Variants in TASL observed in about 807,000 individuals in gnomAD.
TASL encodes the protein TLR adaptor interacting with endolysosomal SLC15A4.
In TASL, 6 loss-of-function variants were observed where a neutral mutation model predicts 12.9. That is an observed-to-expected ratio of 0.46 (90% CI 0.25 to 0.92). TASL has a LOEUF of 0.92. Ranked by LOEUF, TASL falls within the 40% of genes least tolerant of loss-of-function variation. The pLI is 0.17. For synonymous variants in TASL, 85 were observed against 79.3 expected (o/e 1.07, Z -0.38); for missense variants, 165 against 212.8 (o/e 0.78, Z 1.40).
At chrX:30,572,617 A>C (rs987323385) in intron 2 of TASL, among the ~76,000 whole-genome samples, 5 of 112,285 alleles carry the variant, frequency 4.5e-5, no homozygotes, top group African/African-American at 1.6e-4. Context: ...ATGCTGATCA[A>C]AGGACACACT....
Position 30,569,066 on chromosome X carries a change from C to T in TASL, c.-2+7686G>A, listed in dbSNP as rs182512225. On this transcript the variant is annotated intron_variant, in intron 2 of 2. Transcript: ENST00000378962. ...AAGTTGGGACATCCAAGACTGAGTA[C>T]ATTTGATTCATCCTGTAGGCACTGC... Among the ~76,000 whole-genome samples, 136 of 110,046 alleles carry T rather than the reference C, an allele frequency of 1.2e-3. 1 individual carries two copies. The highest frequency in any genetic ancestry group is 2.3e-3 in the Admixed American group (24 of 10,292).
At chrX:30,561,962 A>G (rs1197047233) in intron 2 of TASL, among the ~76,000 whole-genome samples, 3 of 111,675 alleles carry the variant, frequency 2.7e-5, no homozygotes, top group Non-Finnish European at 5.6e-5. Flanking sequence ...ACACGGAAAG[A>G]TAAGAAACAG....
chrX:30,565,399 T>C (rs1013520960), intron 2 of TASL, among the ~76,000 whole-genome samples: 6 of 112,153 alleles, frequency 5.3e-5, no homozygotes, highest in African/African-American at 1.9e-4. Flanking sequence ...AAGCTAAAGA[T>C]AAAATTGAAG....
intron 2 of TASL, among the ~76,000 whole-genome samples, chrX:30,565,757 G>A: frequency 9.0e-6 from 1 of 111,726 alleles, no homozygotes; most frequent in Middle Eastern, 4.7e-3. Flanking sequence ...TATAACTGCA[G>A]TATTTTTTTT....
chrX:30,567,965 G>A (rs1930524457), intron 2 of TASL, among the ~76,000 whole-genome samples: 2 of 111,868 alleles, frequency 1.8e-5, no homozygotes, highest in Non-Finnish European at 3.8e-5. Flanking sequence ...GGCCAGGTAC[G>A]GTGGCTCACA....
In TASL at chrX:30,560,067, A is replaced by C. The variant is rs758937552; in HGVS notation, c.289T>G (p.Leu97Val). The change falls in exon 3 of 3, where the codon TTG becomes GTG. Residue 97 changes from leucine to valine, a missense_variant. Transcript: ENST00000378962. The part of the protein sequence containing the change: ...NPNPVFESPN[L>V]AAVEICRDAS... ...TCTCTACATATTTCAACTGCAGCCA[A>C]GTTTGGGCTTTCAAACACAGGATTG... is the stretch of plus-strand genomic sequence containing the variant. The C allele has an allele frequency of 4.1e-6, 5 of 1,210,051 alleles. No homozygotes were observed. Among genetic ancestry groups the C allele is most frequent in the Non-Finnish European group, 4.5e-6 (4 of 895,201 alleles).
chrX:30,559,536 G>A lies in TASL; in HGVS notation c.820C>T (p.Arg274Cys). The change falls in exon 3 of 3, where the codon CGC becomes TGC. Residue 274 changes from arginine (R) to cysteine (C), a missense_variant. Arg to Cys is a radical substitution (Grantham distance 180, BLOSUM62 -3). Transcript: ENST00000378962. ...TCAGTTGACATCAATTGCAATAGGC[G>A]GCTAAAGACTATATCTCTGGCTTTT... ...TSKARDIVFSRLLQLMSTEIT... is the reference protein window; with the variant it reads ...TSKARDIVFSCLLQLMSTEIT... 7 of 1,206,229 alleles carry A rather than the reference G, an allele frequency of 5.8e-6. No individual in the cohort carries two copies. The highest frequency in any genetic ancestry group is 7.9e-6 in the Non-Finnish European group (7 of 891,215).
intron 2 of TASL, among the ~76,000 whole-genome samples, chrX:30,561,667 T>A (rs1289063100): frequency 9.0e-6 from 1 of 111,158 alleles, no homozygotes; most frequent in Non-Finnish European, 1.9e-5. Context: ...TTCCCTTTTT[T>A]AAAAATTGTA....
chrX:30,573,078 T>C (rs1419653808), intron 2 of TASL, among the ~76,000 whole-genome samples: 1 of 112,488 alleles, frequency 8.9e-6, no homozygotes, highest in Non-Finnish European at 1.9e-5. Context: ...TCATATCCTT[T>C]TAAAAATCTT....
rs748736059 is a variant in TASL at position 30,566,399 on chromosome X, C to T, written c.-1-6043G>A. On this transcript the variant is annotated intron_variant, in intron 2 of 2. Coordinates refer to ENST00000378962, the MANE Select transcript of TASL (RefSeq NM_025159.3). Reference sequence around the variant, plus strand: ...GCGCATGCCTGCAATCCCAGCTACTCAGGAGGATGAGGCAGGAGAATCGCT... The same window carrying T: ...GCGCATGCCTGCAATCCCAGCTACTTAGGAGGATGAGGCAGGAGAATCGCT... Among the ~76,000 whole-genome samples the T allele has an allele frequency of 4.5e-5, 5 of 110,707 alleles. No individual in the cohort carries two copies. The East Asian group carries it at 1.2e-3, about 26-fold the overall frequency.
intron 2 of TASL, among the ~76,000 whole-genome samples, chrX:30,565,275 G>A (rs1043033178): frequency 9.0e-6 from 1 of 111,731 alleles, no homozygotes; most frequent in Non-Finnish European, 1.9e-5. Context: ...CCCAGAAGTT[G>A]TGAAGAGGAG....
chrX:30,565,055 C>T (rs1930479561), intron 2 of TASL, among the ~76,000 whole-genome samples: 1 of 111,847 alleles, frequency 8.9e-6, no homozygotes, highest in Non-Finnish European at 1.9e-5. Context: ...AGAGTCTGCA[C>T]AGGCTCCTCC....
Position 30,560,258 on chromosome X carries a change from T to C in TASL, c.98A>G (p.Glu33Gly). The C allele has an allele frequency of 8.3e-7, 1 of 1,210,245 alleles. No individual in the cohort carries two copies. Among genetic ancestry groups the C allele is most frequent in the Non-Finnish European group, 1.1e-6 (1 of 894,140 alleles). Residue 33 changes from glutamate (E) to glycine (G), a missense_variant, in exon 3 of 3, where the codon GAG (glutamate) becomes GGG (glycine). By Grantham distance (98) the Glu-to-Gly change is moderately conservative. Transcript: ENST00000378962. ...AAGGGTAGCAACAGAATTTGTCTCCTCTTCCTTTTCCCCAGCCACCTGCTC... is the reference window on the plus strand; with the variant it reads ...AAGGGTAGCAACAGAATTTGTCTCCCCTTCCTTTTCCCCAGCCACCTGCTC... Reference protein sequence around the residue: ...YNEQVAGEKEEETNSVATLSY... With the variant: ...YNEQVAGEKEGETNSVATLSY...
At chrX:30,561,003 C>CAG (rs1930413112) in intron 2 of TASL, among the ~76,000 whole-genome samples, 1 of 111,795 alleles carries the variant, frequency 8.9e-6, no homozygotes, top group Non-Finnish European at 1.9e-5. Context: ...ATGAGAAAAT[C>CAG]TGTGGCAAAT....
chrX:30,566,306 AG>A (rs1251682369), intron 2 of TASL, among the ~76,000 whole-genome samples: 2 of 109,486 alleles, frequency 1.8e-5, no homozygotes, highest in Middle Eastern at 4.7e-3. Flanking sequence ...CAGAAGTTTG[AG>A]ACCAGCCTGG....
At position 30,559,282 on chromosome X, in the gene TASL, T is replaced by C; in HGVS notation, c.*168A>G. On this transcript the variant is annotated 3_prime_UTR_variant, in exon 3 of 3. Coordinates refer to ENST00000378962, the MANE Select transcript of TASL (RefSeq NM_025159.3). ...CCTCTTACCATATTCCTTCATCAAG[T>C]GTAATATTATGAGATTTCTCCATGA... 2.4e-6 allele frequency: 1 copy of C among 411,729 alleles called. No homozygotes were observed. Among genetic ancestry groups the C allele is most frequent in the South Asian group, 5.5e-5 (1 of 18,267 alleles). 33.9% of individuals were successfully genotyped at this position (411,729 alleles called of 1,213,427 possible). A position where few individuals can be genotyped will look rare whatever the true frequency, so the allele number is the denominator to read the frequency against.
intron 2 of TASL, among the ~76,000 whole-genome samples, chrX:30,572,136 A>G (rs1930636555): frequency 8.9e-6 from 1 of 112,116 alleles, no homozygotes; most frequent in African/African-American, 3.2e-5. Context: ...TTTAGCCCAC[A>G]TTAATCATTA....
At chrX:30,573,948 AAAC>A (rs913611221) in intron 2 of TASL, among the ~76,000 whole-genome samples, 7 of 111,841 alleles carry the variant, frequency 6.3e-5, no homozygotes, top group African/African-American at 2.3e-4. Context: ...TTAAATAAAT[AAAC>A]AAATAATACA....
In TASL at chrX:30,560,141, T is replaced by C. The variant is rs1438704942; in HGVS notation, c.215A>G (p.Glu72Gly). 1 of 1,209,787 alleles carries C rather than the reference T, an allele frequency of 8.3e-7. No homozygotes were observed. The highest frequency in any genetic ancestry group is 1.1e-6 in the Non-Finnish European group (1 of 894,168). ...TCTCTGACTTCTGCTATGTTGGCTC[T>C]CTCTTGAATGCACTGAAGAGATAAA... Reference protein sequence around the residue: ...GKFISSVHSRESQHSRSQRVT... With the variant: ...GKFISSVHSRGSQHSRSQRVT... Residue 72 changes from glutamate (E) to glycine (G), a missense_variant, in exon 3 of 3, where the codon GAG becomes GGG. Physicochemically the swap from Glu to Gly is moderately conservative, Grantham distance 98. Transcript: ENST00000378962.
Sources: allele counts gnomAD v4.1 joint callset (sites outside exome capture counted in the v4.1 genomes callset), GRCh38; gene constraint gnomAD v4.1.1; transcripts MANE v1.5; gene names NCBI Gene and HGNC (gene_info 2026-07-23, HGNC 2026-07-21).